SNTB2: variants seen among roughly 807,000 people sequenced by gnomAD.
SNTB2 encodes beta-2-syntrophin.
SNTB2 carries 34 observed loss-of-function variants against 46.2 expected under a neutral mutation model. That is an observed-to-expected ratio of 0.74 (90% confidence interval 0.56 to 0.98). The LOEUF (loss-of-function observed/expected upper bound fraction) is 0.98. Among genes scored for constraint, SNTB2 ranks in the 50% least tolerant of loss-of-function variants. SNTB2 has a pLI of 0.00. For missense variants in SNTB2, 603 were observed against 731.4 expected, an observed-to-expected ratio of 0.82 and a Z score of 2.02; for synonymous variants, 290 against 312.6, an observed-to-expected ratio of 0.93 and a Z score of 0.76.
intron 3 of SNTB2, among the ~76,000 whole-genome samples, chr16:69,268,801 G>T (rs1460080105): frequency 6.7e-6 from 1 of 149,958 alleles, no homozygotes; most frequent in Non-Finnish European, 1.5e-5. Flanking sequence ...GGAGGCAGAG[G>T]TTGCAGTAAG....
At chr16:69,220,154 A>ATTTTTTTT (rs889068336) in intron 1 of SNTB2, among the ~76,000 whole-genome samples, 1 of 97,554 alleles carries the variant, frequency 1.0e-5, no homozygotes, top group African/African-American at 4.6e-5. Flanking sequence ...AGAAAGTCAG[A>ATTTTTTTT]TTTTTTTTTT....
At chr16:69,204,324 T>C (rs1288841371) in intron 1 of SNTB2, among the ~76,000 whole-genome samples, 1 of 152,228 alleles carries the variant, frequency 6.6e-6, no homozygotes, top group African/African-American at 2.4e-5. Context: ...GTTGCTTCCA[T>C]AGGCTTGCTA....
chr16:69,253,415 C>T (rs933882312), intron 2 of SNTB2, among the ~76,000 whole-genome samples: 3 of 151,144 alleles, frequency 2.0e-5, no homozygotes, highest in South Asian at 2.1e-4. Context: ...TTTGGGAGAC[C>T]GAGGCGGGTG....
intron 1 of SNTB2, among the ~76,000 whole-genome samples, chr16:69,220,070 C>T (rs772025514): frequency 1.2e-4 from 18 of 149,970 alleles, no homozygotes; most frequent in Admixed American, 4.0e-4. Flanking sequence ...CATTTTTAAG[C>T]GAAGGTACCC....
At chr16:69,238,970 G>A (rs949759355) in intron 1 of SNTB2, among the ~76,000 whole-genome samples, 4 of 152,092 alleles carry the variant, frequency 2.6e-5, no homozygotes, top group South Asian at 2.1e-4. Context: ...CTAAAAGGCC[G>A]TACATGGTCT....
At chr16:69,201,023 G>A (rs961522511) in intron 1 of SNTB2, among the ~76,000 whole-genome samples, 2 of 152,140 alleles carry the variant, frequency 1.3e-5, no homozygotes, top group African/African-American at 4.8e-5. Flanking sequence ...CAGACAAATC[G>A]AGTCATTTCT....
At chr16:69,265,603 C>T (rs971327346) in intron 3 of SNTB2, among the ~76,000 whole-genome samples, 5 of 151,528 alleles carry the variant, frequency 3.3e-5, no homozygotes, top group Admixed American at 1.3e-4. Context: ...CCAAGGCAGG[C>T]GTATCACGAG....
chr16:69,200,515 A>G (rs1014678127), intron 1 of SNTB2, among the ~76,000 whole-genome samples: 1 of 152,192 alleles, frequency 6.6e-6, no homozygotes, highest in Non-Finnish European at 1.5e-5. Flanking sequence ...GTGATACATC[A>G]AATTTAGGAT....
rs1963995262 is a variant in SNTB2, at chr16:69,187,173, G to A, written c.7G>A (p.Val3Ile). 2 of 1,370,524 alleles carry A rather than the reference G, an allele frequency of 1.5e-6. No individual in the cohort carries two copies. Among genetic ancestry groups the A allele is most frequent in the South Asian group, 1.8e-5 (1 of 56,320 alleles). 84.9% of individuals were successfully genotyped at this position (1,370,524 alleles called of 1,614,324 possible). The change falls in exon 1 of 7, where the codon GTA becomes ATA. Residue 3 changes from valine to isoleucine, a missense_variant. By Grantham distance (29) the Val-to-Ile change is conservative. Around this residue, in one of 2 missense-constraint regions of SNTB2, gnomAD observed 66 missense variants for 39.0 expected, o/e 1.69. Transcript: ENST00000336278. ...CCGAGGCTGCCTGACTGGAATGAGG[G>A]TAGCTGCGGCGACTGCGGCGGCTGG... Reference protein sequence around the residue: MRVAAATAAAGAG... With the variant: MRIAAATAAAGAG...
intron 2 of SNTB2, among the ~76,000 whole-genome samples, chr16:69,254,625 G>A (rs1964755501): frequency 6.6e-6 from 1 of 152,136 alleles, no homozygotes; most frequent in Non-Finnish European, 1.5e-5. Flanking sequence ...GAAAAGACAA[G>A]CCACACATTG....
chr16:69,278,262 G>C (rs550651373), intron 4 of SNTB2, among the ~76,000 whole-genome samples: 3 of 152,166 alleles, frequency 2.0e-5, no homozygotes, highest in African/African-American at 7.2e-5. Context: ...GTTGCAGTGA[G>C]CCAACACTGT....
intron 4 of SNTB2, 107 bp downstream of exon 4, chr16:69,270,392 G>A (rs1052809572): frequency 5.0e-6 from 7 of 1,398,154 alleles, no homozygotes; most frequent in Non-Finnish European, 6.8e-6. Flanking sequence ...GAGCATTTAA[G>A]TAGCGGATAT....
At chr16:69,252,550 A>T (rs548663317) in intron 2 of SNTB2, among the ~76,000 whole-genome samples, 2 of 152,320 alleles carry the variant, frequency 1.3e-5, no homozygotes, top group South Asian at 4.1e-4. Flanking sequence ...TTCCATGTAA[A>T]AGGTAAATTT....
In SNTB2 at chr16:69,292,356, A is replaced by T. The variant is rs1252821335; in HGVS notation, c.1346-7234A>T. Among the ~76,000 whole-genome samples, 52 of 29,298 alleles carry T rather than the reference A, an allele frequency of 1.8e-3. 4 individuals are homozygous for T. Among genetic ancestry groups the T allele is most frequent in the East Asian group, 3.4e-3 (2 of 580 alleles). The allele number at this position is 29,298 out of a possible 152,430, so 19.2% of individuals were successfully genotyped here. ...TTTACCATTGTTCACCTTATTTTTT[A>T]TATATATATATATATATATATATTA... On this transcript the variant is annotated intron_variant, in intron 5 of 6. Transcript: ENST00000336278.
intron 1 of SNTB2, among the ~76,000 whole-genome samples, chr16:69,204,937 G>A (rs1204786049): frequency 6.6e-6 from 1 of 152,146 alleles, no homozygotes; most frequent in African/African-American, 2.4e-5. Flanking sequence ...TTACTGCTGT[G>A]TGCATTGCAT....
intron 1 of SNTB2, among the ~76,000 whole-genome samples, chr16:69,215,244 G>A (rs900471970): frequency 2.0e-5 from 3 of 152,188 alleles, no homozygotes; most frequent in Non-Finnish European, 4.4e-5. Context: ...AATTAGCCAG[G>A]TGTGGTGATG....
rs73562891 is a variant in SNTB2 at position 69,203,323 on chromosome 16, G to A, written c.580+15577G>A. ...GTGAGCCACTGCGCCCAGCGTTTTT[G>A]TTATTGTTGTTTTGTTTTGTTTATT... On this transcript the variant is annotated intron_variant, in intron 1 of 6. Coordinates refer to ENST00000336278, the MANE Select transcript of SNTB2 (RefSeq NM_006750.4). Among the ~76,000 whole-genome samples the A allele has an allele frequency of 4.0e-3, 607 of 151,694 alleles. 2 individuals carry two copies. Among genetic ancestry groups the A allele is most frequent in the African/African-American group, 0.014 (574 of 41,382 alleles).
At chr16:69,295,394 C>T (rs1243466403) in intron 5 of SNTB2, among the ~76,000 whole-genome samples, 2 of 151,826 alleles carry the variant, frequency 1.3e-5, no homozygotes, top group African/African-American at 2.4e-5. Flanking sequence ...GGACTACAGG[C>T]GTCTGCCACC....
intron 1 of SNTB2, among the ~76,000 whole-genome samples, chr16:69,232,752 C>T (rs1050192965): frequency 7.3e-5 from 11 of 149,704 alleles, no homozygotes; most frequent in Admixed American, 2.7e-4. Context: ...CTTCGTGATC[C>T]GCCCACCTCA....
Sources: allele counts gnomAD v4.1 joint callset (sites outside exome capture counted in the v4.1 genomes callset), GRCh38; gene constraint gnomAD v4.1.1; regional missense constraint gnomAD v4.1.1; transcripts MANE v1.5; gene names NCBI Gene and HGNC (gene_info 2026-07-23, HGNC 2026-07-21).